ODF4: variants seen among roughly 807,000 people sequenced by gnomAD.
ODF4 encodes the protein outer dense fiber protein 4.
In ODF4, 11 loss-of-function variants were observed where a neutral mutation model predicts 17.0. That is an observed-to-expected ratio of 0.65 (90% CI 0.41 to 1.07). The LOEUF is 1.07. Among genes scored for constraint, ODF4 ranks in the 50% least tolerant of loss-of-function variants. ODF4 has a pLI of 0.00. For synonymous variants in ODF4, 127 were observed against 121.8 expected, an observed-to-expected ratio of 1.04 and a Z score of -0.28; for missense variants, 281 against 310.2, an observed-to-expected ratio of 0.91 and a Z score of 0.71.
chr17:8,343,795 T>A (rs1430014182), intron 1 of ODF4, among the ~76,000 whole-genome samples: 1 of 115,158 alleles, frequency 8.7e-6, no homozygotes, highest in African/African-American at 3.8e-5. Context: ...ATTACAGGTG[T>A]GAGCCACCGC....
chr17:8,340,290 C>T lies in ODF4; in HGVS notation c.239C>T (p.Ala80Val). ...WRITHSFRWMAQVLASELSLV... is the reference protein window; with the variant it reads ...WRITHSFRWMVQVLASELSLV... ...ATCACACACAGCTTCCGCTGGATGG[C>T]CCAGGTGTTGGCCTCTGAGCTCAGC... Residue 80 changes from alanine (A) to valine (V), a missense_variant, in exon 1 of 3, where the codon GCC becomes GTC. Coordinates refer to ENST00000328248, the MANE Select transcript of ODF4 (RefSeq NM_153007.5). 1.2e-6 allele frequency: 2 copies of T among 1,613,870 alleles called. No homozygotes were observed. Among genetic ancestry groups the T allele is most frequent in the South Asian group, 2.2e-5 (2 of 91,054 alleles).
rs367964052 is a variant in ODF4 at position 8,344,786 on chromosome 17, G to T, written c.455-557G>T. ...ACAGGCGTGAGTCACCGCGCCTGGC[G>T]GTACATTTTCTTGTATTTGCTCATT... On this transcript the variant is annotated intron_variant, in intron 1 of 2. Transcript: ENST00000328248. 5 of 822,532 alleles carry T rather than the reference G, an allele frequency of 6.1e-6. No individual in the cohort carries two copies. In the South Asian group the frequency reaches 1.7e-4, roughly 28 times the overall value. 51.0% of individuals were successfully genotyped at this position (822,532 alleles called of 1,614,324 possible). A position where few individuals can be genotyped will look rare whatever the true frequency, so the allele number is the denominator to read the frequency against.
chr17:8,342,486 G>T (rs559021242), intron 1 of ODF4, among the ~76,000 whole-genome samples: 45 of 141,722 alleles, frequency 3.2e-4, no homozygotes, highest in African/African-American at 9.4e-4. Context: ...CAGATGATCC[G>T]CCTGCCTCGG....
Position 8,345,985 on chromosome 17 carries a change from T to C in ODF4, c.*133T>C. The stretch of plus-strand genomic sequence containing the variant: ...AAGGGAGGATTTTGCACTCCTCTGC[T>C]TTCTCCCTGCCTTGATTGAGCTTGA... On this transcript the variant is annotated 3_prime_UTR_variant, in exon 3 of 3. Transcript: ENST00000328248. The surrounding 1 kb of genome is among the most constrained non-coding windows in gnomAD (Gnocchi z 4.1). 1 of 659,984 alleles carries C rather than the reference T, an allele frequency of 1.5e-6. No homozygotes were observed. Among genetic ancestry groups the C allele is most frequent in the Non-Finnish European group, 2.6e-6 (1 of 384,746 alleles). The allele number at this position is 659,984 out of a possible 1,614,324, so 40.9% of individuals were successfully genotyped here.
At chr17:8,342,992 C>G (rs7219472) in intron 1 of ODF4, among the ~76,000 whole-genome samples, 66,477 of 151,670 alleles carry the variant, frequency 0.44, 15,426 homozygotes, top group East Asian at 0.65. Context: ...CTCCACCTCC[C>G]AAAGTGTTGG....
chr17:8,343,362 A>G lies in ODF4; in HGVS notation c.455-1981A>G, dbSNP rs1906107988. Among the ~76,000 whole-genome samples, 2 of 80,534 alleles carry G rather than the reference A, an allele frequency of 2.5e-5. 1 individual carries two copies. Among genetic ancestry groups the G allele is most frequent in the Admixed American group, 2.1e-4 (2 of 9,598 alleles). The allele number at this position is 80,534 out of a possible 152,430, so 52.8% of individuals were successfully genotyped here. On this transcript the variant is annotated intron_variant, in intron 1 of 2. Coordinates refer to ENST00000328248, the MANE Select transcript of ODF4 (RefSeq NM_153007.5). ...TGGCCAGGCTGGTTTCAAACTCCTGACCTCAAGTGATCCGCCCACCTCAGC... is the reference window on the plus strand; with the variant it reads ...TGGCCAGGCTGGTTTCAAACTCCTGGCCTCAAGTGATCCGCCCACCTCAGC...
chr17:8,340,172 C>A lies in ODF4; in HGVS notation c.121C>A (p.Gln41Lys). 6.3e-7 allele frequency: 1 copy of A among 1,599,776 alleles called. No homozygotes were observed. Among genetic ancestry groups the A allele is most frequent in the Non-Finnish European group, 8.5e-7 (1 of 1,172,038 alleles). Residue 41 changes from glutamine (Q) to lysine (K), a missense_variant, in exon 1 of 3, where the codon CAA becomes AAA. Physicochemically the swap from Gln to Lys is moderately conservative, Grantham distance 53. Coordinates refer to ENST00000328248, the MANE Select transcript of ODF4 (RefSeq NM_153007.5). ...EAGWGTGELG[Q>K]DGRLLSSTLS... is the part of the protein sequence containing the mutation. ...AGGATGGGGCACAGGTGAGCTGGGA[C>A]AAGATGGGAGACTGCTGTCCTCCAC...
At chr17:8,340,566 G>A in intron 1 of ODF4, 61 bp downstream of exon 1, 6 of 969,308 alleles carry the variant, frequency 6.2e-6, no homozygotes, top group Non-Finnish European at 9.5e-6. Context: ...CTCTGTATCT[G>A]CACCCTGGAT....
In ODF4 at chr17:8,340,376, A is replaced by C; in HGVS notation, c.325A>C (p.Arg109=). Residue 109 remains arginine, a synonymous_variant, in exon 1 of 3, where the codon AGG becomes CGG. Coordinates refer to ENST00000328248, the MANE Select transcript of ODF4 (RefSeq NM_153007.5). Reference sequence around the variant, plus strand: ...CTCCAAGAAATGGCTGGACCTCTCTAGGAGCCTCTTCTACCAGCGCTGGCC... The same window carrying C: ...CTCCAAGAAATGGCTGGACCTCTCTCGGAGCCTCTTCTACCAGCGCTGGCC... ...AFSKKWLDLS[R]SLFYQRWPVD... The C allele has an allele frequency of 6.2e-7, 1 of 1,613,290 alleles. No individual in the cohort carries two copies. The highest frequency in any genetic ancestry group is 8.5e-7 in the Non-Finnish European group (1 of 1,179,550).
Position 8,345,195 on chromosome 17 carries a change from G to T in ODF4, c.455-148G>T. ...ACATCATTTCTTGGTCACAGGAGAG[G>T]TAGAAATGCAGGGGTTGACTCCTGG... On this transcript the variant is annotated intron_variant, in intron 1 of 2. Coordinates refer to ENST00000328248, the MANE Select transcript of ODF4 (RefSeq NM_153007.5). This position sits in a 1 kb window ranked among gnomAD's most constrained non-coding sequence, Gnocchi z 4.1. The T allele has an allele frequency of 1.2e-6, 1 of 835,800 alleles. No homozygotes were observed. The highest frequency in any genetic ancestry group is 1.9e-6 in the Non-Finnish European group (1 of 532,998). The allele number at this position is 835,800 out of a possible 1,614,324, so 51.8% of individuals were successfully genotyped here.
rs145534476 is a variant in ODF4 at position 8,340,300 on chromosome 17, G to A, written c.249G>A (p.Leu83=). The A allele has an allele frequency of 4.2e-4, 672 of 1,613,784 alleles. 1 individual carries two copies. The African/African-American group carries it at 8.1e-3, about 19-fold the overall frequency. Residue 83 remains leucine, a synonymous_variant, in exon 1 of 3, where the codon TTG becomes TTA. Transcript: ENST00000328248. ...THSFRWMAQV[L]ASELSLVAFI... is the part of the protein sequence containing the mutation. ...GCTTCCGCTGGATGGCCCAGGTGTT[G>A]GCCTCTGAGCTCAGCCTGGTTGCCT...
intron 1 of ODF4, 94 bp downstream of exon 1, chr17:8,340,599 G>C (rs1905973126): frequency 1.4e-6 from 1 of 734,834 alleles, no homozygotes; most frequent in African/African-American, 1.8e-5. Flanking sequence ...CCTCTTTCTG[G>C]TCATCTTTAC....
At chr17:8,341,665 T>A (rs7218192) in intron 1 of ODF4, among the ~76,000 whole-genome samples, 1 of 151,718 alleles carries the variant, frequency 6.6e-6, no homozygotes, top group African/African-American at 2.4e-5. Context: ...TGGTTCTTAT[T>A]GTTGTTAGTC....
intron 1 of ODF4, among the ~76,000 whole-genome samples, chr17:8,344,634 A>AGG (rs1207977718): frequency 3.8e-5 from 5 of 131,614 alleles, no homozygotes; most frequent in Admixed American, 7.3e-5. Flanking sequence ...GACTACAGGC[A>AGG]TGCACCACCA....
chr17:8,340,914 C>T (rs28593705), intron 1 of ODF4, among the ~76,000 whole-genome samples: 33,581 of 149,286 alleles, frequency 0.22, 3,864 homozygotes, highest in African/African-American at 0.28. Flanking sequence ...TCAGGCTGGG[C>T]ACTGCGTCTC....
At position 8,345,936 on chromosome 17, in the gene ODF4, T is replaced by A; in HGVS notation, c.*84T>A. On this transcript the variant is annotated 3_prime_UTR_variant, in exon 3 of 3. Coordinates refer to ENST00000328248, the MANE Select transcript of ODF4 (RefSeq NM_153007.5). The surrounding 1 kb of genome is among the most constrained non-coding windows in gnomAD (Gnocchi z 4.1). ...CTCCCCCAGCCCTTGAATAGGTTGGTCCTCATCATTGCAAGGAATGAGAAA... is the reference window on the plus strand; with the variant it reads ...CTCCCCCAGCCCTTGAATAGGTTGGACCTCATCATTGCAAGGAATGAGAAA... The A allele has an allele frequency of 8.9e-7, 1 of 1,122,880 alleles. No homozygotes were observed. Among genetic ancestry groups the A allele is most frequent in the Non-Finnish European group, 1.3e-6 (1 of 766,136 alleles). 69.6% of individuals were successfully genotyped at this position (1,122,880 alleles called of 1,614,324 possible).
intron 1 of ODF4, among the ~76,000 whole-genome samples, chr17:8,341,660 CTTA>C (rs1906022198): frequency 1.3e-5 from 2 of 151,646 alleles, no homozygotes; most frequent in South Asian, 4.2e-4. Flanking sequence ...ACACCTGGTT[CTTA>C]TTGTTGTTAG....
At position 8,345,142 on chromosome 17, in the gene ODF4, G is replaced by C; in HGVS notation, c.455-201G>C. The C allele has an allele frequency of 1.3e-6, 1 of 797,320 alleles. No homozygotes were observed. 49.4% of individuals were successfully genotyped at this position (797,320 alleles called of 1,614,324 possible). Reference sequence around the variant, plus strand: ...GGGTGGTATGAGGGTTTTGTGGGTGGTGGGAGAACAGAACCGAGAATCGAG... The same window carrying C: ...GGGTGGTATGAGGGTTTTGTGGGTGCTGGGAGAACAGAACCGAGAATCGAG... On this transcript the variant is annotated intron_variant, in intron 1 of 2. Coordinates refer to ENST00000328248, the MANE Select transcript of ODF4 (RefSeq NM_153007.5). This position sits in a 1 kb window ranked among gnomAD's most constrained non-coding sequence, Gnocchi z 4.1.
Position 8,345,510 on chromosome 17 carries a change from C to T in ODF4, c.589+33C>T, listed in dbSNP as rs766241322. On this transcript the variant is annotated intron_variant, in intron 2 of 2. Transcript: ENST00000328248. The surrounding 1 kb of genome is among the most constrained non-coding windows in gnomAD (Gnocchi z 4.1). Reference sequence around the variant, plus strand: ...GCCAGAGGGCCCTGGGGGAAGGAAGCGACATGGGTAGGGTAGGGCAGGGAA... The same window carrying T: ...GCCAGAGGGCCCTGGGGGAAGGAAGTGACATGGGTAGGGTAGGGCAGGGAA... The T allele has an allele frequency of 2.5e-5, 41 of 1,609,962 alleles. No individual in the cohort carries two copies. The East Asian group carries it at 3.3e-4, about 13-fold the overall frequency.
Sources: gnomAD v4.1 joint callset for allele counts (sites outside exome capture counted in the v4.1 genomes callset) on GRCh38, gnomAD v4.1.1 for gene constraint, Gnocchi (gnomAD v3.1) non-coding constraint, MANE v1.5 for transcripts, NCBI Gene and HGNC (gene_info 2026-07-23, HGNC 2026-07-21) for gene names.